ZNF521: variants seen among roughly 807,000 people sequenced by gnomAD.
ZNF521 encodes the protein zinc finger protein 521, also known as LYST-interacting protein 3.
A neutral mutation model predicts 105.5 loss-of-function variants in ZNF521; 14 were observed. The observed-to-expected ratio is 0.13, with a 90% CI of 0.09 to 0.21. ZNF521 has a LOEUF of 0.21. ZNF521 is among the 10% of genes least tolerant of loss of function. The pLI is 1.00. For synonymous variants in ZNF521, 635 were observed against 606.0 expected (o/e 1.05, Z -0.70); for missense variants, 1,233 against 1,629.7 (o/e 0.76, Z 4.19).
At chr18:25,271,184 G>C (rs1909633584) in intron 3 of ZNF521, among the ~76,000 whole-genome samples, 1 of 152,038 alleles carries the variant, frequency 6.6e-6, no homozygotes, top group Non-Finnish European at 1.5e-5. Context: ...GCTACAAGGA[G>C]AATAAAATAC....
intron 7 of ZNF521, among the ~76,000 whole-genome samples, chr18:25,084,505 G>A (rs1241595800): frequency 1.4e-5 from 2 of 142,230 alleles, no homozygotes; most frequent in Admixed American, 1.4e-4. Flanking sequence ...AAACCTTAGT[G>A]ATTTCTGAAA....
intron 5 of ZNF521, among the ~76,000 whole-genome samples, chr18:25,160,746 C>A (rs1476784821): frequency 2.0e-5 from 3 of 152,070 alleles, no homozygotes; most frequent in Admixed American, 6.5e-5. Context: ...TCATGTGAAA[C>A]AAACAAGCCG....
intron 3 of ZNF521, among the ~76,000 whole-genome samples, chr18:25,285,603 T>C (rs1280690225): frequency 6.6e-6 from 1 of 152,022 alleles, no homozygotes; most frequent in Non-Finnish European, 1.5e-5. Flanking sequence ...ATAGTATCAC[T>C]TGGCAAAAGA....
intron 5 of ZNF521, among the ~76,000 whole-genome samples, chr18:25,123,145 TA>T (rs1567972023): frequency 1.3e-5 from 2 of 151,732 alleles, no homozygotes; most frequent in Admixed American, 1.3e-4. Flanking sequence ...TGACTCATTA[TA>T]TGAGTCATTT....
intron 5 of ZNF521, among the ~76,000 whole-genome samples, chr18:25,096,948 C>T (rs895819666): frequency 1.3e-5 from 2 of 152,108 alleles, no homozygotes; most frequent in Admixed American, 1.3e-4. Context: ...GTAACTTATC[C>T]AGTTCGAATG....
intron 4 of ZNF521, among the ~76,000 whole-genome samples, chr18:25,196,753 G>A (rs914722522): frequency 6.6e-6 from 1 of 151,734 alleles, no homozygotes; most frequent in African/African-American, 2.4e-5. Context: ...CATGTGTTAC[G>A]TAAGTAACAT....
At chr18:25,152,721 A>C (rs2035072496) in intron 5 of ZNF521, among the ~76,000 whole-genome samples, 2 of 152,184 alleles carry the variant, frequency 1.3e-5, no homozygotes, top group Admixed American at 1.3e-4. Context: ...GACTACATAC[A>C]TCTTGAAGTT....
chr18:25,288,845 T>G (rs1280541826), intron 3 of ZNF521, among the ~76,000 whole-genome samples: 1 of 152,212 alleles, frequency 6.6e-6, no homozygotes, highest in Non-Finnish European at 1.5e-5. Flanking sequence ...ACTCCACAGT[T>G]GTACATAAGT....
At chr18:25,288,708 G>A (rs1910846520) in intron 3 of ZNF521, among the ~76,000 whole-genome samples, 2 of 151,750 alleles carry the variant, frequency 1.3e-5, no homozygotes, top group South Asian at 4.2e-4. Flanking sequence ...AGCCAGTGAA[G>A]TAAACATTTC....
At chr18:25,283,742 A>T (rs1330879885) in intron 3 of ZNF521, among the ~76,000 whole-genome samples, 1 of 152,222 alleles carries the variant, frequency 6.6e-6, no homozygotes, top group Non-Finnish European at 1.5e-5. Context: ...AAAGCAAAAG[A>T]TCTGAATACC....
In ZNF521 at chr18:25,085,280, T is replaced by C. The variant is rs8090584; in HGVS notation, c.3906+4185A>G. The stretch of plus-strand genomic sequence containing the variant: ...ATAATTTTATATTATACACATTATA[T>C]AAAATTCCAGTCCAGATATATATCT... On this transcript the variant is annotated intron_variant, in intron 7 of 7. Coordinates refer to ENST00000361524, the MANE Select transcript of ZNF521 (RefSeq NM_015461.3). 7.9e-3 allele frequency among the ~76,000 whole-genome samples: 1,189 copies of C among 150,848 alleles called. 13 individuals are homozygous for C. The highest frequency in any genetic ancestry group is 0.027 in the African/African-American group (1,121 of 41,278).
rs371442201 is a variant in ZNF521 at position 25,158,046 on chromosome 18, G to A, written c.3658+37114C>T. ...TGGGATTACAGGCATCAGCCACTGC[G>A]CCTGGCCTACTTAACCTTTTAGTGC... On this transcript the variant is annotated intron_variant, in intron 5 of 7. Transcript: ENST00000361524. Among the ~76,000 whole-genome samples the A allele has an allele frequency of 1.2e-4, 19 of 152,110 alleles. No individual in the cohort carries two copies. The East Asian group carries it at 2.9e-3, about 23-fold the overall frequency.
Position 25,226,399 on chromosome 18 carries a change from C to T in ZNF521, c.1519G>A (p.Ala507Thr). The change falls in exon 4 of 8, where the codon GCT becomes ACT. Residue 507 changes from alanine (A) to threonine (T), a missense_variant. Transcript: ENST00000361524. This position sits in a 1 kb window ranked among gnomAD's most constrained non-coding sequence, Gnocchi z 4.1. ...CAAAAGAATGCATTACTATCTTTAG[C>T]TGCAGGGTTTGCAAATCCATGAGAA... ...RCSHGFANPAAKDSNAFFCPH... is the reference protein window; with the variant it reads ...RCSHGFANPATKDSNAFFCPH... 2 of 1,614,132 alleles carry T rather than the reference C, an allele frequency of 1.2e-6. No individual in the cohort carries two copies. Among genetic ancestry groups the T allele is most frequent in the Non-Finnish European group, 1.7e-6 (2 of 1,180,016 alleles).
At chr18:25,161,025 T>C (rs1377638163) in intron 5 of ZNF521, among the ~76,000 whole-genome samples, 1 of 152,062 alleles carries the variant, frequency 6.6e-6, no homozygotes, top group Non-Finnish European at 1.5e-5. Flanking sequence ...CTGAAGCAGA[T>C]GCAGTTGTTA....
At chr18:25,298,763 G>A (rs1401074199) in intron 3 of ZNF521, among the ~76,000 whole-genome samples, 1 of 152,066 alleles carries the variant, frequency 6.6e-6, no homozygotes, top group Non-Finnish European at 1.5e-5. Flanking sequence ...AAAATCATTG[G>A]AGAAGGAAAT....
At chr18:25,152,197 G>A (rs1054846970) in intron 5 of ZNF521, among the ~76,000 whole-genome samples, 6 of 152,156 alleles carry the variant, frequency 3.9e-5, no homozygotes, top group Non-Finnish European at 8.8e-5. Flanking sequence ...CTATCCTCTA[G>A]GCTGGGCATG....
At chr18:25,333,333 T>C (rs11665566) in intron 2 of ZNF521, among the ~76,000 whole-genome samples, 3,105 of 149,728 alleles carry the variant, frequency 0.021, 48 homozygotes, top group Non-Finnish European at 0.03. Flanking sequence ...TATATATATA[T>C]ACACACATAT....
chr18:25,176,247 C>A (rs1567995335), intron 5 of ZNF521, among the ~76,000 whole-genome samples: 1 of 152,138 alleles, frequency 6.6e-6, no homozygotes, highest in Non-Finnish European at 1.5e-5. Flanking sequence ...AGGAAGTCTC[C>A]CAGAACCCCA....
intron 5 of ZNF521, among the ~76,000 whole-genome samples, chr18:25,153,290 T>G (rs1325374735): frequency 6.6e-6 from 1 of 152,222 alleles, no homozygotes; most frequent in Non-Finnish European, 1.5e-5. Flanking sequence ...AAATCTGTGC[T>G]TTCAAATTAA....
Sources: gnomAD v4.1 joint callset for allele counts (sites outside exome capture counted in the v4.1 genomes callset) on GRCh38, gnomAD v4.1.1 for gene constraint, Gnocchi (gnomAD v3.1) non-coding constraint, MANE v1.5 for transcripts, NCBI Gene and HGNC (gene_info 2026-07-23, HGNC 2026-07-21) for gene names.